The following XKR4 variants were observed in gnomAD, a reference collection of about 807,000 sequenced individuals.
The protein encoded by XKR4 is XK-related protein 4.
XKR4 carries 12 observed loss-of-function variants against 53.9 expected under a neutral mutation model. The observed-to-expected ratio is 0.22, with a 90% CI of 0.14 to 0.36. The LOEUF (loss-of-function observed/expected upper bound fraction) is 0.36, where lower values mean the gene tolerates loss of function less well. Among genes scored for constraint, XKR4 ranks in the 10% least tolerant of loss-of-function variants. The probability of loss-of-function intolerance (pLI) is 1.00; values close to 1 mark genes in which losing one functional copy is unlikely to be tolerated. For missense variants in XKR4, 799 were observed against 859.5 expected (o/e 0.93, Z 0.88); for synonymous variants, 354 against 362.4 (o/e 0.98, Z 0.26).
chr8:55,498,300 G>A (rs534163628), intron 2 of XKR4, among the ~76,000 whole-genome samples: 279 of 152,250 alleles, frequency 1.8e-3, no homozygotes, highest in African/African-American at 6.3e-3. Flanking sequence ...GTCGCCTTCC[G>A]TCCCAGAGTG....
intron 1 of XKR4, among the ~76,000 whole-genome samples, chr8:55,249,578 GT>G (rs1818337397): frequency 6.6e-6 from 1 of 152,158 alleles, no homozygotes; most frequent in African/African-American, 2.4e-5. Flanking sequence ...TGTCATTCAA[GT>G]TTTAAGCTTT....
chr8:55,451,958 G>A (rs928839456), intron 2 of XKR4: 7 of 775,648 alleles, frequency 9.0e-6, no homozygotes, highest in Non-Finnish European at 1.4e-5. Flanking sequence ...TCCTAGCTGA[G>A]TTGGGGTTGT....
chr8:55,460,916 G>A (rs886801554), intron 2 of XKR4, among the ~76,000 whole-genome samples: 1 of 152,222 alleles, frequency 6.6e-6, no homozygotes, highest in Non-Finnish European at 1.5e-5. Context: ...ACTGCAAGGT[G>A]GCAGCGAGGC....
intron 1 of XKR4, among the ~76,000 whole-genome samples, chr8:55,141,645 TTCTCTC>T (rs138063196): frequency 1.8e-5 from 2 of 111,926 alleles, no homozygotes; most frequent in East Asian, 2.6e-4. Context: ...GTGCTTCTGC[TTCTCTC>T]TCTCTCTCTC....
intron 2 of XKR4, among the ~76,000 whole-genome samples, chr8:55,469,739 AG>A (rs1805842160): frequency 6.6e-6 from 1 of 152,138 alleles, no homozygotes; most frequent in South Asian, 2.1e-4. Flanking sequence ...TCTAAGGATC[AG>A]GGAAGCCAGT....
chr8:55,103,176 G>C lies in XKR4; in HGVS notation c.688G>C (p.Gly230Arg). Residue 230 changes from glycine to arginine, a missense_variant, in exon 1 of 3, where the codon GGC (glycine) becomes CGC (arginine). Transcript: ENST00000327381. ...SKSNIAAANS[G>R]SNSSGATRAS... is the part of the protein sequence containing the mutation. ...GAGCAACATCGCCGCGGCCAACAGC[G>C]GCAGCAACAGCAGCGGGGCTACCCG... 6.2e-7 allele frequency: 1 copy of C among 1,614,026 alleles called. No homozygotes were observed.
intron 2 of XKR4, among the ~76,000 whole-genome samples, chr8:55,460,861 G>A (rs1399963899): frequency 1.3e-5 from 2 of 152,182 alleles, no homozygotes; most frequent in South Asian, 2.1e-4. Flanking sequence ...AGGTTCCTAC[G>A]CCCACAGAGC....
chr8:55,498,074 C>T (rs1806382495), intron 2 of XKR4, among the ~76,000 whole-genome samples: 1 of 152,198 alleles, frequency 6.6e-6, no homozygotes, highest in African/African-American at 2.4e-5. Flanking sequence ...GGGTTTAAGA[C>T]TACTCTTTGT....
intron 1 of XKR4, among the ~76,000 whole-genome samples, chr8:55,189,716 A>G (rs1402594993): frequency 1.3e-5 from 2 of 152,214 alleles, no homozygotes; most frequent in South Asian, 2.1e-4. Flanking sequence ...TGACCAAAAC[A>G]TCGTTATGCT....
chr8:55,501,030 G>A (rs955726331), intron 2 of XKR4, among the ~76,000 whole-genome samples: 2 of 152,194 alleles, frequency 1.3e-5, no homozygotes, highest in African/African-American at 2.4e-5. Flanking sequence ...TAACTCTGGA[G>A]CCCTGGCAGG....
intron 1 of XKR4, among the ~76,000 whole-genome samples, chr8:55,228,709 GCCT>G (rs1204599402): frequency 1.3e-5 from 2 of 152,156 alleles, no homozygotes; most frequent in African/African-American, 4.8e-5. Flanking sequence ...TCTACTGCTG[GCCT>G]CCTTCTGTTC....
At chr8:55,342,251 T>C (rs1414027311) in intron 1 of XKR4, among the ~76,000 whole-genome samples, 3 of 151,816 alleles carry the variant, frequency 2.0e-5, no homozygotes, top group Non-Finnish European at 4.4e-5. Context: ...TGGTCACAAA[T>C]CCCACTGGCT....
intron 2 of XKR4, among the ~76,000 whole-genome samples, chr8:55,408,731 G>A (rs962719458): frequency 6.6e-6 from 1 of 152,192 alleles, no homozygotes; most frequent in Non-Finnish European, 1.5e-5. Flanking sequence ...GCCACAAGCC[G>A]GGTGCGGTGG....
chr8:55,451,748 C>T lies in XKR4; in HGVS notation c.1007-71533C>T, dbSNP rs896716059. 2.8e-4 allele frequency: 328 copies of T among 1,181,676 alleles called. 2 individuals are homozygous for T. The highest frequency in any genetic ancestry group is 6.9e-4 in the South Asian group (54 of 78,746). 73.2% of individuals were successfully genotyped at this position (1,181,676 alleles called of 1,614,324 possible). The stretch of plus-strand genomic sequence containing the variant: ...GAAATGCGGAAGGATTCAGACTTGG[C>T]CCGGCTCAGGCGGCTGCTCAGGGGG... On this transcript the variant is annotated intron_variant, in intron 2 of 2. Transcript: ENST00000327381.
intron 1 of XKR4, among the ~76,000 whole-genome samples, chr8:55,286,700 G>A (rs1818912134): frequency 6.6e-6 from 1 of 152,188 alleles, no homozygotes; most frequent in Non-Finnish European, 1.5e-5. Context: ...CTGACAGCAG[G>A]GAGGCTGTGC....
intron 1 of XKR4, among the ~76,000 whole-genome samples, chr8:55,136,878 T>C (rs914919966): frequency 6.6e-6 from 1 of 152,172 alleles, no homozygotes; most frequent in African/African-American, 2.4e-5. Context: ...TAACAACAAC[T>C]GGCATATCCA....
chr8:55,299,313 G>A (rs1819146164), intron 1 of XKR4, among the ~76,000 whole-genome samples: 1 of 152,164 alleles, frequency 6.6e-6, no homozygotes, highest in Non-Finnish European at 1.5e-5. Context: ...ACAAGAGGGA[G>A]CTTGTCACAG....
intron 1 of XKR4, among the ~76,000 whole-genome samples, chr8:55,242,020 A>T (rs1210603969): frequency 6.6e-6 from 1 of 152,208 alleles, no homozygotes; most frequent in Non-Finnish European, 1.5e-5. Context: ...TTGAAATGTA[A>T]ATAATTTTAA....
At chr8:55,477,328 G>C (rs1333388200) in intron 2 of XKR4, among the ~76,000 whole-genome samples, 1 of 152,130 alleles carries the variant, frequency 6.6e-6, no homozygotes, top group Non-Finnish European at 1.5e-5. Context: ...AACTCCAACA[G>C]ACCTGCAGCT....
Sources: allele counts gnomAD v4.1 joint callset (sites outside exome capture counted in the v4.1 genomes callset), GRCh38; gene constraint gnomAD v4.1.1; transcripts MANE v1.5; gene names NCBI Gene and HGNC (gene_info 2026-07-23, HGNC 2026-07-21).